Variants in TP53AIP1 observed in about 807,000 individuals in gnomAD.
TP53AIP1 encodes the protein p53-regulated apoptosis-inducing protein 1.
TP53AIP1 carries 14 observed loss-of-function variants against 9.5 expected under a neutral mutation model. That is an observed-to-expected ratio of 1.47 (90% CI 0.97 to 2.30). The LOEUF is 2.30. TP53AIP1 is among the 30% of genes most tolerant of loss of function. The probability of loss-of-function intolerance (pLI) is 0.00; values close to 1 mark genes in which losing one functional copy is unlikely to be tolerated. For synonymous variants in TP53AIP1, 73 were observed against 61.2 expected (o/e 1.19, Z -0.90); for missense variants, 153 against 146.7 (o/e 1.04, Z -0.22).
At chr11:128,941,670 T>C (rs534567449) in intron 1 of TP53AIP1, among the ~76,000 whole-genome samples, 125 of 152,354 alleles carry the variant, frequency 8.2e-4, no homozygotes, top group Middle Eastern at 6.8e-3. Context: ...CACTTGGCCC[T>C]GTTCTCTCTT....
At chr11:128,935,314 C>G (rs777577815), downstream of TP53AIP1, 5 of 1,417,558 alleles carry the variant, frequency 3.5e-6, no homozygotes, top group Non-Finnish European at 4.6e-6. Flanking sequence ...GGAGATGCAT[C>G]GTTTTTAGTT....
intron 1 of TP53AIP1, among the ~76,000 whole-genome samples, chr11:128,938,747 G>A (rs1412873352): frequency 6.6e-6 from 1 of 152,128 alleles, no homozygotes; most frequent in Admixed American, 6.5e-5. Context: ...ATGACCTCCA[G>A]GGGCAGCTCA....
At chr11:128,935,078 G>A (rs564265975), downstream of TP53AIP1, 2 of 705,140 alleles carry the variant, frequency 2.8e-6, no homozygotes, top group South Asian at 1.5e-5. Context: ...AGCTATCAAT[G>A]CCGGGGCTTG....
downstream of TP53AIP1, among the ~76,000 whole-genome samples, chr11:128,935,215 G>C: frequency 6.6e-6 from 1 of 152,236 alleles, no homozygotes; most frequent in East Asian, 1.9e-4. Flanking sequence ...TTCTCAAACC[G>C]TCCTTGGAAG....
rs964916548 is a variant in TP53AIP1 at position 128,937,228 on chromosome 11, C to T, written c.141+450G>A. 3.1e-5 allele frequency: 38 copies of T among 1,239,350 alleles called. 1 individual carries two copies. The highest frequency in any genetic ancestry group is 6.2e-4 in the Middle Eastern group (2 of 3,204). 76.8% of individuals were successfully genotyped at this position (1,239,350 alleles called of 1,614,324 possible). On this transcript the variant is annotated intron_variant, in intron 2 of 3. Coordinates refer to ENST00000531399, the MANE Select transcript of TP53AIP1 (RefSeq NM_022112.3). This position sits in a 1 kb window ranked among gnomAD's most constrained non-coding sequence, Gnocchi z 4.8. ...TTCTTGGAGTAAGTGACTGGTGCTC[C>T]GAGGCCCATCTGGACAAAAGCAGGA...
downstream of TP53AIP1, chr11:128,935,271 G>A (rs1385617197): frequency 1.3e-5 from 19 of 1,429,892 alleles, no homozygotes; most frequent in African/African-American, 1.0e-4. Flanking sequence ...GTGAGACAAC[G>A]CTTGGAGCAT....
chr11:128,940,354 G>A (rs1440330859), intron 1 of TP53AIP1, among the ~76,000 whole-genome samples: 1 of 152,192 alleles, frequency 6.6e-6, no homozygotes, highest in African/African-American at 2.4e-5. Context: ...AGCCTTAGAT[G>A]GTGTTATGGT....
In TP53AIP1 at chr11:128,936,579, G is replaced by A. The variant is rs758897656; in HGVS notation, c.212C>T (p.Ser71Leu). The change falls in exon 3 of 4, where the codon TCG becomes TTG. Residue 71 changes from serine (S) to leucine (L), a missense_variant. Physicochemically the swap from Ser to Leu is moderately radical, Grantham distance 145. Coordinates refer to ENST00000531399, the MANE Select transcript of TP53AIP1 (RefSeq NM_022112.3). ...AGTTGCTGAGGACCAAGATCCAGACGAGACTGACAGAGCTTCTATTCCCCG... is the reference window on the plus strand; with the variant it reads ...AGTTGCTGAGGACCAAGATCCAGACAAGACTGACAGAGCTTCTATTCCCCG... ...GCRGIEALSV[S>L]SGSWSSATVW... is the part of the protein sequence containing the mutation. 2.5e-5 allele frequency: 39 copies of A among 1,586,704 alleles called. No homozygotes were observed. Among genetic ancestry groups the A allele is most frequent in the Middle Eastern group, 1.6e-4 (1 of 6,072 alleles).
chr11:128,938,038 G>C, intron 1 of TP53AIP1, 144 bp from the exon 2 acceptor site: 1 of 557,008 alleles, frequency 1.8e-6, no homozygotes, highest in South Asian at 2.5e-5. Flanking sequence ...GGGCTGGGCT[G>C]TAACCACACA....
intron 1 of TP53AIP1, among the ~76,000 whole-genome samples, chr11:128,938,499 C>T (rs1944878657): frequency 6.6e-6 from 1 of 152,140 alleles, no homozygotes; most frequent in South Asian, 2.1e-4. Context: ...TATCACGGTC[C>T]CTCAACCCAG....
Position 128,937,001 on chromosome 11 carries a change from G to A in TP53AIP1, c.142-352C>T. 1.9e-6 allele frequency: 2 copies of A among 1,075,564 alleles called. No individual in the cohort carries two copies. The highest frequency in any genetic ancestry group is 4.3e-4 in the Middle Eastern group (1 of 2,302). The allele number at this position is 1,075,564 out of a possible 1,614,324, so 66.6% of individuals were successfully genotyped here. A position where few individuals can be genotyped will look rare whatever the true frequency, so the allele number is the denominator to read the frequency against. ...CTCAGACGCTGCGTGTGAGCTTCTG[G>A]GGAGAGAAGTGTGGGCCTCCAGGGA... is the stretch of plus-strand genomic sequence containing the variant. On this transcript the variant is annotated intron_variant, in intron 2 of 3. Coordinates refer to ENST00000531399, the MANE Select transcript of TP53AIP1 (RefSeq NM_022112.3). This position sits in a 1 kb window ranked among gnomAD's most constrained non-coding sequence, Gnocchi z 4.8.
rs1400062639 is a variant in TP53AIP1, at chr11:128,942,355, G to GT, written c.-77+438dup. ...ACCATGCCGCCGTTCACCAGGGGAC[G>GT]TGAGAAAGGGGCTGGCCTGTGGACC... On this transcript the variant is annotated intron_variant, in intron 1 of 3. Transcript: ENST00000531399. 9.9e-5 allele frequency among the ~76,000 whole-genome samples: 15 copies of GT among 152,214 alleles called. 1 individual carries two copies. The highest frequency in any genetic ancestry group is 2.0e-4 in the Admixed American group (3 of 15,286).
chr11:128,940,337 C>T (rs184481175), intron 1 of TP53AIP1, among the ~76,000 whole-genome samples: 2 of 152,346 alleles, frequency 1.3e-5, no homozygotes, highest in East Asian at 1.9e-4. Flanking sequence ...TTGTCTCAGG[C>T]AGAAGCAGCC....
rs1175063238 is a variant in TP53AIP1 at position 128,936,556 on chromosome 11, T to C, written c.235A>G (p.Thr79Ala). ...SVSSGSWSSA[T>A]VWILTGLGLG... ...CACACACCTGTCAGGATCCAGACAG[T>C]TGCTGAGGACCAAGATCCAGACGAG... Residue 79 changes from threonine to alanine, a missense_variant, in exon 3 of 4, where the codon ACT (threonine) becomes GCT (alanine). Thr to Ala is a moderately conservative substitution (Grantham distance 58, BLOSUM62 0). Coordinates refer to ENST00000531399, the MANE Select transcript of TP53AIP1 (RefSeq NM_022112.3). The C allele has an allele frequency of 6.3e-7, 1 of 1,579,360 alleles. No individual in the cohort carries two copies. The highest frequency in any genetic ancestry group is 2.3e-5 in the East Asian group (1 of 44,044).
At chr11:128,938,202 C>T (rs552324040) in intron 1 of TP53AIP1, among the ~76,000 whole-genome samples, 2 of 152,306 alleles carry the variant, frequency 1.3e-5, no homozygotes, top group South Asian at 2.1e-4. Flanking sequence ...AGCAACAAGG[C>T]CTCTGTGTCC....
chr11:128,936,809 C>G (rs988521333), intron 2 of TP53AIP1, 160 bp from the exon 3 acceptor site: 9 of 1,429,812 alleles, frequency 6.3e-6, no homozygotes, highest in Non-Finnish European at 7.3e-6. Context: ...GGAAACCAAA[C>G]TGGGACAGGA....
chr11:128,940,685 G>A lies in TP53AIP1; in HGVS notation c.-77+2109C>T, dbSNP rs539737334. On this transcript the variant is annotated intron_variant, in intron 1 of 3. Coordinates refer to ENST00000531399, the MANE Select transcript of TP53AIP1 (RefSeq NM_022112.3). ...CCTTTGTGAATCGCCCACTCTCCGG[G>A]GTTGTGTGAGAGCAGCACAAAATGG... is the stretch of plus-strand genomic sequence containing the variant. Among the ~76,000 whole-genome samples the A allele has an allele frequency of 1.1e-4, 17 of 152,326 alleles. No individual in the cohort carries two copies. The South Asian group carries it at 3.5e-3, about 32-fold the overall frequency.
Position 128,937,408 on chromosome 11 carries a change from A to C in TP53AIP1, c.141+270T>G. The C allele has an allele frequency of 1.4e-6, 2 of 1,439,788 alleles. No individual in the cohort carries two copies. Among genetic ancestry groups the C allele is most frequent in the Non-Finnish European group, 1.8e-6 (2 of 1,099,130 alleles). 89.2% of individuals were successfully genotyped at this position (1,439,788 alleles called of 1,614,324 possible). A position where few individuals can be genotyped will look rare whatever the true frequency, so the allele number is the denominator to read the frequency against. On this transcript the variant is annotated intron_variant, in intron 2 of 3. Coordinates refer to ENST00000531399, the MANE Select transcript of TP53AIP1 (RefSeq NM_022112.3). The surrounding 1 kb of genome is among the most constrained non-coding windows in gnomAD (Gnocchi z 4.8). ...CTTCCTTCCAAAAGCCTTGTTTCTC[A>C]GAAAACCTTTCTGCCTCCTAGAAAC...
At chr11:128,934,802 C>T (rs1944777292), downstream of TP53AIP1, 1 of 557,328 alleles carries the variant, frequency 1.8e-6, no homozygotes, top group East Asian at 3.1e-5. Context: ...GAGAGACCCA[C>T]AGGGAAGGGA....
Sources: gnomAD v4.1 joint callset for allele counts (sites outside exome capture counted in the v4.1 genomes callset) on GRCh38, gnomAD v4.1.1 for gene constraint, Gnocchi (gnomAD v3.1) non-coding constraint, MANE v1.5 for transcripts, NCBI Gene and HGNC (gene_info 2026-07-23, HGNC 2026-07-21) for gene names.